JAK2: variants seen among roughly 807,000 people sequenced by gnomAD.
JAK2 encodes tyrosine-protein kinase JAK2.
Under a neutral mutation model 139.3 loss-of-function variants are expected in JAK2, and 86 were observed. The observed-to-expected ratio is 0.62, with a 90% CI of 0.52 to 0.74. The LOEUF is 0.74. Ranked by LOEUF, JAK2 falls within the 30% of genes least tolerant of loss-of-function variation. The probability of loss-of-function intolerance (pLI) is 0.00; values close to 1 mark genes in which losing one functional copy is unlikely to be tolerated. For missense variants in JAK2, 1,421 were observed against 1,360.3 expected, an observed-to-expected ratio of 1.04 and a Z score of -0.70; for synonymous variants, 490 against 437.7, an observed-to-expected ratio of 1.12 and a Z score of -1.49.
intron 22 of JAK2, among the ~76,000 whole-genome samples, chr9:5,102,569 C>G (rs923288979): frequency 1.3e-5 from 2 of 152,122 alleles, no homozygotes; most frequent in Non-Finnish European, 1.5e-5. Flanking sequence ...TCGAGAAGAG[C>G]AACCCCAAGA....
At chr9:5,041,492 G>T (rs1816509087) in intron 4 of JAK2, 1 of 586,800 alleles carries the variant, frequency 1.7e-6, no homozygotes, top group Middle Eastern at 3.1e-4. Context: ...GAGCGGTACA[G>T]AAGATCGGGG....
In JAK2 at chr9:5,054,434, C is replaced by T. The variant is rs2130405586; in HGVS notation, c.615-129C>T. 2 of 683,668 alleles carry T rather than the reference C, an allele frequency of 2.9e-6. No individual in the cohort carries two copies. The allele number at this position is 683,668 out of a possible 1,614,324, so 42.4% of individuals were successfully genotyped here. A position where few individuals can be genotyped will look rare whatever the true frequency, so the allele number is the denominator to read the frequency against. On this transcript the variant is annotated intron_variant, in intron 6 of 24. Transcript: ENST00000381652. The surrounding 1 kb of genome is among the most constrained non-coding windows in gnomAD (Gnocchi z 4.9). ...TGGATGGGGGTTATGTCAACTTACG[C>T]CACTTGGCCACTGTGTTGTAAGGCC...
intron 19 of JAK2, 50 bp downstream of exon 19, chr9:5,081,911 A>G (rs1192204425): frequency 1.5e-5 from 22 of 1,457,372 alleles, no homozygotes; most frequent in Non-Finnish European, 2.0e-5. Context: ...TCATTTAGGA[A>G]AAACTTAAGA....
In JAK2 at chr9:5,054,431, A is replaced by G. The variant is rs1179856059; in HGVS notation, c.615-132A>G. 2 of 668,884 alleles carry G rather than the reference A, an allele frequency of 3.0e-6. No homozygotes were observed. Among genetic ancestry groups the G allele is most frequent in the Middle Eastern group, 4.2e-4 (1 of 2,374 alleles). 41.4% of individuals were successfully genotyped at this position (668,884 alleles called of 1,614,324 possible). A position where few individuals can be genotyped will look rare whatever the true frequency, so the allele number is the denominator to read the frequency against. On this transcript the variant is annotated intron_variant, in intron 6 of 24. Transcript: ENST00000381652. The surrounding 1 kb of genome is among the most constrained non-coding windows in gnomAD (Gnocchi z 4.9). ...GTATGGATGGGGGTTATGTCAACTT[A>G]CGCCACTTGGCCACTGTGTTGTAAG...
At chr9:5,124,125 A>T (rs1823818371) in intron 23 of JAK2, among the ~76,000 whole-genome samples, 1 of 151,810 alleles carries the variant, frequency 6.6e-6, no homozygotes, top group East Asian at 1.9e-4. Flanking sequence ...TGTCAGATAC[A>T]AAGTTTGCAA....
intron 22 of JAK2, among the ~76,000 whole-genome samples, chr9:5,118,206 C>G (rs1484327530): frequency 6.6e-6 from 1 of 152,080 alleles, no homozygotes; most frequent in Non-Finnish European, 1.5e-5. Flanking sequence ...CACTTATCAC[C>G]CACTTAAAAA....
intron 8 of JAK2, among the ~76,000 whole-genome samples, chr9:5,060,357 T>C (rs1818079668): frequency 6.6e-6 from 1 of 152,210 alleles, no homozygotes; most frequent in Non-Finnish European, 1.5e-5. Flanking sequence ...CTGTAGCATG[T>C]GACATTGTTT....
chr9:5,005,906 A>G lies in JAK2; in HGVS notation c.-25-16057A>G, dbSNP rs372248827. Among the ~76,000 whole-genome samples the G allele has an allele frequency of 4.0e-3, 609 of 152,224 alleles. 4 individuals carry two copies. Among genetic ancestry groups the G allele is most frequent in the African/African-American group, 0.014 (581 of 41,520 alleles). On this transcript the variant is annotated intron_variant, in intron 2 of 24. Coordinates refer to ENST00000381652, the MANE Select transcript of JAK2 (RefSeq NM_004972.4). ...GTTTTGGTTACTGTAGCCTTGTAGT[A>G]TAGTTTGAAGTCAGGTAGCGTGATG...
Position 5,095,655 on chromosome 9 carries a change from A to C in JAK2, c.3059+4744A>C, listed in dbSNP as rs72701626. Among the ~76,000 whole-genome samples the C allele has an allele frequency of 6.3e-3, 957 of 152,226 alleles. 2 individuals carry two copies. The highest frequency in any genetic ancestry group is 0.013 in the South Asian group (64 of 4,822). On this transcript the variant is annotated intron_variant, in intron 22 of 24. Transcript: ENST00000381652. ...TAGCCCCTATCTCAATTATATTTCA[A>C]ATTTTCCCATCAATAAACACGACCA...
At chr9:5,112,366 G>A in intron 22 of JAK2, 2 of 393,854 alleles carry the variant, frequency 5.1e-6, no homozygotes, top group Admixed American at 6.7e-5. Context: ...GTGGGCTAGG[G>A]CGAGCAGGCC....
At chr9:5,119,676 G>C (rs774065759) in intron 22 of JAK2, among the ~76,000 whole-genome samples, 1 of 152,116 alleles carries the variant, frequency 6.6e-6, no homozygotes, top group Non-Finnish European at 1.5e-5. Context: ...CATTCCTTCA[G>C]TAAATGTGTT....
chr9:5,127,844 A>C lies in JAK2; in HGVS notation c.*1053A>C, dbSNP rs1824098009. ...GAGGGGTTTCAGAATTTTGCATTGCAGTCATAGAAGAGATTTATTTCCTTT... is the reference window on the plus strand; with the variant it reads ...GAGGGGTTTCAGAATTTTGCATTGCCGTCATAGAAGAGATTTATTTCCTTT... On this transcript the variant is annotated 3_prime_UTR_variant, in exon 25 of 25. Coordinates refer to ENST00000381652, the MANE Select transcript of JAK2 (RefSeq NM_004972.4). 2.6e-5 allele frequency: 6 copies of C among 232,560 alleles called. No homozygotes were observed. The South Asian group carries it at 1.1e-3, about 42-fold the overall frequency. The allele number at this position is 232,560 out of a possible 1,614,324, so 14.4% of individuals were successfully genotyped here.
intron 11 of JAK2, among the ~76,000 whole-genome samples, 191 bp downstream of exon 11, chr9:5,069,399 T>C (rs1285795572): frequency 6.6e-6 from 1 of 152,162 alleles, no homozygotes; most frequent in Non-Finnish European, 1.5e-5. Context: ...TAGAAGTGAC[T>C]TGAAGTTCAA....
Position 5,038,010 on chromosome 9 carries a change from A to G in JAK2, c.351-6393A>G, listed in dbSNP as rs76118209. 4.2e-3 allele frequency among the ~76,000 whole-genome samples: 642 copies of G among 152,350 alleles called. 4 individuals carry two copies. The highest frequency in any genetic ancestry group is 0.015 in the African/African-American group (606 of 41,566). ...TATAGCGTCACTAGTTATGAGAATA[A>G]TGAACGAGATTGCTTGCTTTAGCAC... On this transcript the variant is annotated intron_variant, in intron 4 of 24. Transcript: ENST00000381652.
In JAK2 at chr9:5,054,945, A is replaced by G; in HGVS notation, c.936+61A>G. The G allele has an allele frequency of 7.9e-7, 1 of 1,261,990 alleles. No homozygotes were observed. The highest frequency in any genetic ancestry group is 1.1e-6 in the Non-Finnish European group (1 of 914,306). The allele number at this position is 1,261,990 out of a possible 1,614,324, so 78.2% of individuals were successfully genotyped here. ...TTTAAGTACAATGGAAATAAAAACA[A>G]AGTAATTTTAATCATTTGCAACATG... On this transcript the variant is annotated intron_variant, in intron 7 of 24. Coordinates refer to ENST00000381652, the MANE Select transcript of JAK2 (RefSeq NM_004972.4). The surrounding 1 kb of genome is among the most constrained non-coding windows in gnomAD (Gnocchi z 4.9).
intron 19 of JAK2, chr9:5,084,927 A>T (rs1819962815): frequency 1.8e-6 from 1 of 560,094 alleles, no homozygotes; most frequent in African/African-American, 1.9e-5. Context: ...CATGAAGCAA[A>T]CAAAGTGTAT....
chr9:5,118,764 A>G (rs2130836992), intron 22 of JAK2, among the ~76,000 whole-genome samples: 1 of 152,300 alleles, frequency 6.6e-6, no homozygotes, highest in African/African-American at 2.4e-5. Flanking sequence ...GATATGCAGG[A>G]AAAAAGTACA....
intron 22 of JAK2, chr9:5,111,049 G>A (rs1000363760): frequency 2.0e-6 from 2 of 1,004,002 alleles, no homozygotes; most frequent in East Asian, 3.0e-5. Context: ...GCAATTCAGA[G>A]GTTCAGGTCT....
chr9:4,999,925 C>A (rs927589673), intron 2 of JAK2, among the ~76,000 whole-genome samples: 1 of 152,094 alleles, frequency 6.6e-6, no homozygotes, highest in Non-Finnish European at 1.5e-5. Flanking sequence ...TTCTTGTTTT[C>A]CTCATATCTT....
Sources: allele counts gnomAD v4.1 joint callset (sites outside exome capture counted in the v4.1 genomes callset), GRCh38; gene constraint gnomAD v4.1.1; non-coding constraint Gnocchi (gnomAD v3.1); transcripts MANE v1.5; gene names NCBI Gene and HGNC (gene_info 2026-07-23, HGNC 2026-07-21).